EIF3H: variants seen among roughly 807,000 people sequenced by gnomAD.
The protein encoded by EIF3H is eukaryotic translation initiation factor 3 subunit H, also known as eIF-3-gamma.
In EIF3H, 26 loss-of-function variants were observed where a neutral mutation model predicts 44.2. The observed-to-expected ratio is 0.59, with a 90% CI of 0.43 to 0.82. The LOEUF (loss-of-function observed/expected upper bound fraction) is 0.82. EIF3H is among the 40% of genes least tolerant of loss of function. The pLI, the probability that EIF3H is intolerant of heterozygous loss-of-function variation, is 0.00. For missense variants in EIF3H, 359 were observed against 432.8 expected (o/e 0.83, Z 1.51); for synonymous variants, 166 against 151.9 (o/e 1.09, Z -0.68).
intron 2 of EIF3H, among the ~76,000 whole-genome samples, chr8:116,680,608 T>C (rs1388616701): frequency 8.5e-6 from 1 of 117,406 alleles, no homozygotes; most frequent in African/African-American, 3.3e-5. Context: ...TGTGCTTTGT[T>C]AAACAGATGC....
chr8:116,721,519 A>C (rs944336431), intron 2 of EIF3H, among the ~76,000 whole-genome samples: 4 of 152,128 alleles, frequency 2.6e-5, no homozygotes, highest in African/African-American at 9.7e-5. Context: ...CGTCCTCCAG[A>C]CCCCAGAATG....
At chr8:116,755,644 G>A in intron 1 of EIF3H, 22 bp downstream of exon 1, 1 of 1,613,698 alleles carries the variant, frequency 6.2e-7, no homozygotes. Context: ...ACGTGGGCCA[G>A]AGGAAAAAGA....
At position 116,659,149 on chromosome 8, in the gene EIF3H, T is replaced by G. The variant is rs185825486; in HGVS notation, c.290-169A>C. ...GTTCACATATAAAGCAAAACAAAATTAGGCTTTTAAATCATCAGGGGTTTC... is the reference window on the plus strand; with the variant it reads ...GTTCACATATAAAGCAAAACAAAATGAGGCTTTTAAATCATCAGGGGTTTC... On this transcript the variant is annotated intron_variant, in intron 2 of 7. Transcript: ENST00000521861. 1.7e-4 allele frequency among the ~76,000 whole-genome samples: 26 copies of G among 152,244 alleles called. No homozygotes were observed. In the East Asian group the frequency reaches 4.8e-3, roughly 28 times the overall value.
intron 2 of EIF3H, among the ~76,000 whole-genome samples, chr8:116,695,578 T>C (rs1200704484): frequency 2.6e-5 from 4 of 152,046 alleles, no homozygotes; most frequent in African/African-American, 7.3e-5. Flanking sequence ...AAGATAGTGG[T>C]TGTCATGGGG....
intron 2 of EIF3H, among the ~76,000 whole-genome samples, chr8:116,670,978 T>C (rs1168790136): frequency 6.6e-6 from 1 of 152,192 alleles, no homozygotes; most frequent in Non-Finnish European, 1.5e-5. Context: ...TAAAAAATAT[T>C]GGACGGCAAA....
chr8:116,759,595 G>A (rs1815493609), upstream of EIF3H, among the ~76,000 whole-genome samples: 1 of 152,106 alleles, frequency 6.6e-6, no homozygotes, highest in African/African-American at 2.4e-5. Flanking sequence ...GTTGTTAAAT[G>A]TCATTTTATT....
At position 116,729,567 on chromosome 8, in the gene EIF3H, C is replaced by T. The variant is rs116156101; in HGVS notation, c.133-3395G>A. ...AAAAGAAATAATTATCTCGCTCTTT[C>T]GACATCACTGAACTGTTATCCTCAG... On this transcript the variant is annotated intron_variant, in intron 1 of 7. Transcript: ENST00000521861. Among the ~76,000 whole-genome samples the T allele has an allele frequency of 5.5e-3, 834 of 152,204 alleles. 9 individuals carry two copies. The highest frequency in any genetic ancestry group is 0.019 in the African/African-American group (809 of 41,532).
At chr8:116,747,223 C>T (rs769086728) in intron 1 of EIF3H, among the ~76,000 whole-genome samples, 20 of 152,062 alleles carry the variant, frequency 1.3e-4, no homozygotes, top group African/African-American at 3.9e-4. Flanking sequence ...CCATCATGCC[C>T]GGCTAATTTC....
At chr8:116,736,022 G>A (rs370704306) in intron 1 of EIF3H, among the ~76,000 whole-genome samples, 11 of 152,082 alleles carry the variant, frequency 7.2e-5, no homozygotes, top group African/African-American at 2.4e-4. Flanking sequence ...TGTTCAACCT[G>A]TATATCTATT....
chr8:116,671,803 G>A (rs1030290573), intron 2 of EIF3H, among the ~76,000 whole-genome samples: 10 of 152,134 alleles, frequency 6.6e-5, no homozygotes, highest in African/African-American at 2.4e-4. Context: ...AACTATCTCT[G>A]TCAAGAACCA....
chr8:116,685,377 T>C (rs550931410), intron 2 of EIF3H, among the ~76,000 whole-genome samples: 6 of 152,322 alleles, frequency 3.9e-5, no homozygotes, highest in Admixed American at 2.6e-4. Context: ...AGCCACAGAA[T>C]ACTTTCTTCT....
chr8:116,724,266 G>A (rs554970041), intron 2 of EIF3H, among the ~76,000 whole-genome samples: 1 of 152,248 alleles, frequency 6.6e-6, no homozygotes, highest in South Asian at 2.1e-4. Flanking sequence ...GCCAAAGAAC[G>A]AAGCTGGACC....
At chr8:116,747,927 T>C (rs956934450) in intron 1 of EIF3H, among the ~76,000 whole-genome samples, 5 of 152,062 alleles carry the variant, frequency 3.3e-5, no homozygotes, top group Non-Finnish European at 5.9e-5. Context: ...CTGACCAACA[T>C]GGTGAAACCC....
At chr8:116,719,347 C>T (rs1161794319) in intron 2 of EIF3H, among the ~76,000 whole-genome samples, 2 of 152,066 alleles carry the variant, frequency 1.3e-5, no homozygotes, top group African/African-American at 4.8e-5. Flanking sequence ...TCACCAACTT[C>T]TTAGAGAAAC....
intron 1 of EIF3H, among the ~76,000 whole-genome samples, chr8:116,726,557 T>C (rs1215192047): frequency 6.6e-6 from 1 of 152,144 alleles, no homozygotes; most frequent in Non-Finnish European, 1.5e-5. Flanking sequence ...AAACTATCAA[T>C]AAGACACAGA....
At chr8:116,735,078 T>C (rs559014294) in intron 1 of EIF3H, among the ~76,000 whole-genome samples, 181 of 152,264 alleles carry the variant, frequency 1.2e-3, no homozygotes, top group Non-Finnish European at 1.5e-3. Flanking sequence ...ATTCCTCCAA[T>C]ATAGGTTGCA....
At chr8:116,662,695 TA>T (rs1813602930) in intron 2 of EIF3H, among the ~76,000 whole-genome samples, 1 of 152,048 alleles carries the variant, frequency 6.6e-6, no homozygotes, top group African/African-American at 2.4e-5. Context: ...TAAACCTAAG[TA>T]GGAATACGAA....
At position 116,748,619 on chromosome 8, in the gene EIF3H, C is replaced by G. The variant is rs150802624; in HGVS notation, c.132+7047G>C. On this transcript the variant is annotated intron_variant, in intron 1 of 7. Transcript: ENST00000521861. The stretch of plus-strand genomic sequence containing the variant: ...TGCCTTCTATACACGAGGTACTGTT[C>G]TAGACCCTTAGAAATACTGTAGTGA... Among the ~76,000 whole-genome samples the G allele has an allele frequency of 4.3e-4, 65 of 152,306 alleles. 1 individual carries two copies. Among genetic ancestry groups the G allele is most frequent in the Admixed American group, 2.5e-3 (38 of 15,302 alleles).
At chr8:116,750,485 C>T (rs995948050) in intron 1 of EIF3H, among the ~76,000 whole-genome samples, 1 of 150,626 alleles carries the variant, frequency 6.6e-6, no homozygotes, top group South Asian at 2.1e-4. Context: ...TCTCGGCTCA[C>T]TGCAAGCTCC....
Sources: allele counts gnomAD v4.1 joint callset (sites outside exome capture counted in the v4.1 genomes callset), GRCh38; gene constraint gnomAD v4.1.1; transcripts MANE v1.5; gene names NCBI Gene and HGNC (gene_info 2026-07-23, HGNC 2026-07-21).